The following CA8 variants were observed in gnomAD, a reference collection of about 807,000 sequenced individuals.
The protein encoded by CA8 is carbonic anhydrase 8 (inactive).
CA8 carries 22 observed loss-of-function variants against 41.4 expected under a neutral mutation model. The observed-to-expected ratio is 0.53, with a 90% CI of 0.38 to 0.76. CA8 has a LOEUF of 0.76. Among genes scored for constraint, CA8 ranks in the 30% least tolerant of loss-of-function variants. The pLI, the probability that CA8 is intolerant of heterozygous loss-of-function variation, is 0.00. For missense variants in CA8, 270 were observed against 352.8 expected, an observed-to-expected ratio of 0.77 and a Z score of 1.88; for synonymous variants, 121 against 130.6, an observed-to-expected ratio of 0.93 and a Z score of 0.50.
At chr8:60,224,243 A>G (rs1248391885) in intron 6 of CA8, among the ~76,000 whole-genome samples, 1 of 152,146 alleles carries the variant, frequency 6.6e-6, no homozygotes, top group Non-Finnish European at 1.5e-5. Flanking sequence ...CACCACACCC[A>G]GCCAAAGTTA....
intron 7 of CA8, among the ~76,000 whole-genome samples, chr8:60,221,397 G>T (rs1807241954): frequency 6.6e-6 from 1 of 152,150 alleles, no homozygotes; most frequent in Admixed American, 6.5e-5. Flanking sequence ...CATTCAGGAA[G>T]GGTTTCTTTT....
chr8:60,243,125 C>T (rs1247876595), intron 3 of CA8, among the ~76,000 whole-genome samples: 2 of 152,156 alleles, frequency 1.3e-5, no homozygotes, highest in South Asian at 2.1e-4. Flanking sequence ...CAGCTGGAGC[C>T]GTCCTTAAAT....
chr8:60,188,834 C>A lies in CA8; in HGVS notation c.*1187G>T, dbSNP rs923531451. 5 of 152,166 alleles carry A rather than the reference C, an allele frequency of 3.3e-5. No individual in the cohort carries two copies. The highest frequency in any genetic ancestry group is 7.3e-5 in the Non-Finnish European group (5 of 68,036). 9.4% of individuals were successfully genotyped at this position (152,166 alleles called of 1,614,324 possible). A position where few individuals can be genotyped will look rare whatever the true frequency, so the allele number is the denominator to read the frequency against. On this transcript the variant is annotated 3_prime_UTR_variant, in exon 9 of 9. Transcript: ENST00000317995. ...TTTGTATTTAATGCTTCCATTATTA[C>A]CGTCTCTACTCAACACATCTAAAAA...
At chr8:60,211,359 G>A (rs1806829840) in intron 7 of CA8, among the ~76,000 whole-genome samples, 1 of 152,164 alleles carries the variant, frequency 6.6e-6, no homozygotes, top group South Asian at 2.1e-4. Flanking sequence ...TAATTTCACT[G>A]AGGAAATTTA....
rs1313548384 is a variant in CA8 at position 60,214,784 on chromosome 8, G to C, written c.739-5865C>G. Among the ~76,000 whole-genome samples, 3 of 152,278 alleles carry C rather than the reference G, an allele frequency of 2.0e-5. No homozygotes were observed. The East Asian group carries it at 5.8e-4, about 29-fold the overall frequency. On this transcript the variant is annotated intron_variant, in intron 7 of 8. Coordinates refer to ENST00000317995, the MANE Select transcript of CA8 (RefSeq NM_004056.6). Reference sequence around the variant, plus strand: ...CATGGAATGCAGAGGGAATGAAGAGGAGGAAAGACAGAAGAAAAGAACATT... The same window carrying C: ...CATGGAATGCAGAGGGAATGAAGAGCAGGAAAGACAGAAGAAAAGAACATT...
chr8:60,268,444 T>C (rs1224733257), intron 2 of CA8, among the ~76,000 whole-genome samples: 1 of 152,218 alleles, frequency 6.6e-6, no homozygotes, highest in Non-Finnish European at 1.5e-5. Flanking sequence ...TTGACAGTGA[T>C]TTCAGGGAAC....
chr8:60,223,090 T>C (rs1807306326), intron 6 of CA8, among the ~76,000 whole-genome samples: 1 of 152,250 alleles, frequency 6.6e-6, no homozygotes, highest in Admixed American at 6.5e-5. Context: ...TAATATTTAT[T>C]GAATGCTTAT....
intron 8 of CA8, among the ~76,000 whole-genome samples, chr8:60,199,353 CAAA>C (rs1806361556): frequency 6.6e-6 from 1 of 151,960 alleles, no homozygotes; most frequent in Admixed American, 6.6e-5. Flanking sequence ...CCTCTTCAGG[CAAA>C]AACTAGATTA....
At chr8:60,245,723 T>C (rs1808205692) in intron 3 of CA8, among the ~76,000 whole-genome samples, 1 of 152,150 alleles carries the variant, frequency 6.6e-6, no homozygotes, top group East Asian at 1.9e-4. Flanking sequence ...TTTCTTTGAT[T>C]GAGGTGGAAC....
intron 3 of CA8, among the ~76,000 whole-genome samples, chr8:60,260,553 A>C (rs1803698738): frequency 1.3e-5 from 2 of 152,192 alleles, no homozygotes; most frequent in South Asian, 2.1e-4. Context: ...AGCACCATAG[A>C]GGATAATCCT....
At chr8:60,268,559 T>C (rs1803970930) in intron 2 of CA8, among the ~76,000 whole-genome samples, 1 of 152,194 alleles carries the variant, frequency 6.6e-6, no homozygotes, top group South Asian at 2.1e-4. Context: ...ACGGTTTAAG[T>C]GAAACACTGT....
Position 60,281,349 on chromosome 8 carries a change from C to A in CA8, c.-202G>T. 1 of 575,010 alleles carries A rather than the reference C, an allele frequency of 1.7e-6. No homozygotes were observed. The highest frequency in any genetic ancestry group is 3.1e-6 in the Non-Finnish European group (1 of 322,970). The allele number at this position is 575,010 out of a possible 1,614,324, so 35.6% of individuals were successfully genotyped here. ...TCGGACCGAGTGTTCCAGAGACCCG[C>A]GTGGGAAGCGCGTCCGGAGGCCCCA... On this transcript the variant is annotated 5_prime_UTR_variant, in exon 1 of 9. Transcript: ENST00000317995.
Position 60,186,643 on chromosome 8 carries a change from G to C in CA8, c.*3378C>G, listed in dbSNP as rs1407922331. ...CAGACTGGATTTCAAAAAAAAACAA[G>C]ATCCAACTATAAGTTGGAGACACAC... is the stretch of plus-strand genomic sequence containing the variant. On this transcript the variant is annotated 3_prime_UTR_variant, in exon 9 of 9. Coordinates refer to ENST00000317995, the MANE Select transcript of CA8 (RefSeq NM_004056.6). Among the ~76,000 whole-genome samples, 4 of 151,116 alleles carry C rather than the reference G, an allele frequency of 2.6e-5. No homozygotes were observed. Among genetic ancestry groups the C allele is most frequent in the Admixed American group, 6.6e-5 (1 of 15,216 alleles).
At chr8:60,202,540 A>T (rs930263986) in intron 8 of CA8, among the ~76,000 whole-genome samples, 1 of 152,126 alleles carries the variant, frequency 6.6e-6, no homozygotes, top group African/African-American at 2.4e-5. Context: ...TTAGCCTTTA[A>T]CTCAAGTATA....
rs961135392 is a variant in CA8 at position 60,278,763 on chromosome 8, T to A, written c.292+926A>T. Among the ~76,000 whole-genome samples, 3 of 152,106 alleles carry A rather than the reference T, an allele frequency of 2.0e-5. No homozygotes were observed. The East Asian group carries it at 5.8e-4, about 29-fold the overall frequency. On this transcript the variant is annotated intron_variant, in intron 2 of 8. Transcript: ENST00000317995. Reference sequence around the variant, plus strand: ...AAACATTTACAATGAATAAAATAAATCCATAGCTGGAAATCAACAGCTGCC... The same window carrying A: ...AAACATTTACAATGAATAAAATAAAACCATAGCTGGAAATCAACAGCTGCC...
intron 5 of CA8, among the ~76,000 whole-genome samples, chr8:60,225,638 T>C (rs1198515346): frequency 6.6e-6 from 1 of 152,248 alleles, no homozygotes; most frequent in South Asian, 2.1e-4. Flanking sequence ...TGTGCTAGTA[T>C]AAAGCTAATC....
chr8:60,267,320 A>G (rs1053197281), intron 2 of CA8, among the ~76,000 whole-genome samples: 5 of 152,224 alleles, frequency 3.3e-5, no homozygotes, highest in Non-Finnish European at 5.9e-5. Context: ...TCCTTGATAA[A>G]GGTGCCCTAC....
At chr8:60,222,196 A>G (rs1015099783) in intron 7 of CA8, among the ~76,000 whole-genome samples, 55 of 152,324 alleles carry the variant, frequency 3.6e-4, no homozygotes, top group Admixed American at 3.6e-3. Context: ...GTAGAGCTAG[A>G]AAACAATCCA....
At position 60,216,776 on chromosome 8, in the gene CA8, G is replaced by GTGAA. The variant is rs532410031; in HGVS notation, c.738+5869_738+5872dup. On this transcript the variant is annotated intron_variant, in intron 7 of 8. Transcript: ENST00000317995. ...CTCAATATAGTTCAGCATTAACATT[G>GTGAA]TGAATGCTGGCAAGGGAATCCTTAA... 5.3e-5 allele frequency among the ~76,000 whole-genome samples: 8 copies of GTGAA among 152,286 alleles called. No individual in the cohort carries two copies. In the East Asian group the frequency reaches 1.3e-3, roughly 26 times the overall value.
Sources: gnomAD v4.1 joint callset for allele counts (sites outside exome capture counted in the v4.1 genomes callset) on GRCh38, gnomAD v4.1.1 for gene constraint, MANE v1.5 for transcripts, NCBI Gene and HGNC (gene_info 2026-07-23, HGNC 2026-07-21) for gene names.